AATF: variants seen among roughly 807,000 people sequenced by gnomAD.
AATF encodes the protein apoptosis antagonizing transcription factor, also known as protein AATF.
AATF carries 48 observed loss-of-function variants against 63.7 expected under a neutral mutation model. The observed-to-expected ratio is 0.75, with a 90% CI of 0.60 to 0.96. The LOEUF (loss-of-function observed/expected upper bound fraction) is 0.96. AATF is among the 40% of genes least tolerant of loss of function. The pLI is 0.00. For missense variants in AATF, 639 were observed against 685.7 expected (o/e 0.93, Z 0.76); for synonymous variants, 258 against 247.7 (o/e 1.04, Z -0.39).
At chr17:36,954,165 T>G (rs561265123) in intron 4 of AATF, among the ~76,000 whole-genome samples, 1 of 149,642 alleles carries the variant, frequency 6.7e-6, no homozygotes, top group South Asian at 2.2e-4. Context: ...CCTCCTGGGC[T>G]CAAGCAATCC....
intron 4 of AATF, among the ~76,000 whole-genome samples, chr17:36,962,485 C>T (rs35667791): frequency 6.6e-6 from 1 of 152,064 alleles, no homozygotes; most frequent in African/African-American, 2.4e-5. Flanking sequence ...ACTACTGATA[C>T]CAATCTAGCT....
At chr17:36,978,267 G>T (rs2071093890) in intron 4 of AATF, among the ~76,000 whole-genome samples, 1 of 151,836 alleles carries the variant, frequency 6.6e-6, no homozygotes, top group African/African-American at 2.4e-5. Context: ...TCTCTTAAAA[G>T]AAAAAAATAA....
intron 4 of AATF, among the ~76,000 whole-genome samples, chr17:36,972,906 G>A (rs953705662): frequency 1.3e-5 from 2 of 151,880 alleles, no homozygotes; most frequent in Non-Finnish European, 2.9e-5. Flanking sequence ...TCTTTTTTAG[G>A]GTCTTGCTCA....
chr17:36,995,448 G>A (rs1025882997), intron 8 of AATF, among the ~76,000 whole-genome samples: 1 of 152,206 alleles, frequency 6.6e-6, no homozygotes, highest in Non-Finnish European at 1.5e-5. Flanking sequence ...GACAGGTGAT[G>A]TGGTAGAATT....
At chr17:37,000,650 T>C (rs2071287162) in intron 8 of AATF, among the ~76,000 whole-genome samples, 1 of 152,120 alleles carries the variant, frequency 6.6e-6, no homozygotes, top group Admixed American at 6.6e-5. Context: ...TTGTATTTAA[T>C]ACCATGAGAT....
At chr17:37,040,416 T>G (rs1394270815) in intron 11 of AATF, among the ~76,000 whole-genome samples, 1 of 152,140 alleles carries the variant, frequency 6.6e-6, no homozygotes, top group African/African-American at 2.4e-5. Context: ...GAGAGTTTAC[T>G]ATATGCCAGA....
At chr17:36,960,273 A>C (rs2070936712) in intron 4 of AATF, among the ~76,000 whole-genome samples, 1 of 152,150 alleles carries the variant, frequency 6.6e-6, no homozygotes, top group Non-Finnish European at 1.5e-5. Flanking sequence ...CGGCCTCCCA[A>C]AGTGCTGGGA....
rs1267763542 is a variant in AATF, at chr17:36,949,067, C to T, written c.-59C>T. 7 of 1,425,440 alleles carry T rather than the reference C, an allele frequency of 4.9e-6. No individual in the cohort carries two copies. In the South Asian group the frequency reaches 6.3e-5, roughly 13 times the overall value. The allele number at this position is 1,425,440 out of a possible 1,614,324, so 88.3% of individuals were successfully genotyped here. A position where few individuals can be genotyped will look rare whatever the true frequency, so the allele number is the denominator to read the frequency against. The stretch of plus-strand genomic sequence containing the variant: ...ATCCGGCAGGGAAGGAGCTTCGGGG[C>T]CGGGGGTTGGGCCGCACATTTACGT... On this transcript the variant is annotated 5_prime_UTR_variant, in exon 1 of 12. Transcript: ENST00000619387.
chr17:36,976,041 A>G (rs567337335), intron 4 of AATF, among the ~76,000 whole-genome samples: 10 of 151,956 alleles, frequency 6.6e-5, no homozygotes, highest in Non-Finnish European at 1.0e-4. Flanking sequence ...TAGTGTCTCC[A>G]CTGTTTTTTC....
At chr17:36,963,076 A>G (rs1425808006) in intron 4 of AATF, among the ~76,000 whole-genome samples, 1 of 152,162 alleles carries the variant, frequency 6.6e-6, no homozygotes, top group Non-Finnish European at 1.5e-5. Flanking sequence ...CCAAGATCGC[A>G]CCATTGCACT....
intron 10 of AATF, 76 bp downstream of exon 10, chr17:37,021,090 A>ATC: frequency 9.1e-7 from 1 of 1,103,718 alleles, no homozygotes; most frequent in Non-Finnish European, 1.3e-6. Context: ...CTGTTATGTC[A>ATC]TTTTTCTTTT....
intron 11 of AATF, among the ~76,000 whole-genome samples, chr17:37,050,724 T>C (rs2071741128): frequency 6.6e-6 from 1 of 152,148 alleles, no homozygotes; most frequent in African/African-American, 2.4e-5. Context: ...TCTTTTCCCT[T>C]GATTCTGCAA....
chr17:36,971,526 G>A (rs1377215014), intron 4 of AATF, among the ~76,000 whole-genome samples: 2 of 152,156 alleles, frequency 1.3e-5, no homozygotes, highest in African/African-American at 2.4e-5. Flanking sequence ...TTTAAATAAA[G>A]CTAAACATAT....
intron 4 of AATF, among the ~76,000 whole-genome samples, chr17:36,962,363 A>C (rs1218844197): frequency 6.6e-6 from 1 of 152,192 alleles, no homozygotes; most frequent in Admixed American, 6.5e-5. Context: ...AAAGTCACCA[A>C]GTGGTGGAAT....
At chr17:36,956,673 CAAA>C (rs35410946) in intron 4 of AATF, among the ~76,000 whole-genome samples, 1 of 90,888 alleles carries the variant, frequency 1.1e-5, no homozygotes, top group Non-Finnish European at 2.2e-5. Flanking sequence ...AACTCCGTCT[CAAA>C]AAAAAAAAAA....
intron 10 of AATF, among the ~76,000 whole-genome samples, chr17:37,025,441 G>T (rs77161352): frequency 1.3e-5 from 2 of 152,162 alleles, no homozygotes; most frequent in Non-Finnish European, 2.9e-5. Context: ...GTCAACATAC[G>T]TGAGCTAGAG....
intron 11 of AATF, among the ~76,000 whole-genome samples, chr17:37,049,081 G>A (rs1443911198): frequency 2.0e-5 from 3 of 152,080 alleles, no homozygotes; most frequent in African/African-American, 7.2e-5. Context: ...GGAAGATATT[G>A]TCACCATCTT....
intron 8 of AATF, among the ~76,000 whole-genome samples, chr17:37,008,757 G>T (rs1368649989): frequency 6.6e-6 from 1 of 152,124 alleles, no homozygotes; most frequent in African/African-American, 2.4e-5. Flanking sequence ...TGCTCAGAAG[G>T]CTAAGGTGGG....
intron 1 of AATF, 86 bp from the exon 2 acceptor site, chr17:36,950,128 C>A: frequency 6.9e-7 from 1 of 1,447,204 alleles, no homozygotes; most frequent in Non-Finnish European, 9.5e-7. Flanking sequence ...GGACGTTCAA[C>A]TATGAGATAA....
Sources: gnomAD v4.1 joint callset for allele counts (sites outside exome capture counted in the v4.1 genomes callset) on GRCh38, gnomAD v4.1.1 for gene constraint, MANE v1.5 for transcripts, NCBI Gene and HGNC (gene_info 2026-07-23, HGNC 2026-07-21) for gene names.